GABRG1: variants seen among roughly 807,000 people sequenced by gnomAD.
GABRG1 encodes the protein gamma-aminobutyric acid receptor subunit gamma-1.
A neutral mutation model predicts 49.8 loss-of-function variants in GABRG1; 49 were observed. The observed-to-expected ratio is 0.98, with a 90% confidence interval of 0.78 to 1.25. The LOEUF is 1.25. Among genes scored for constraint, GABRG1 ranks in the 50% most tolerant of loss-of-function variants. GABRG1 has a pLI of 0.00. For missense variants in GABRG1, 552 were observed against 552.3 expected, an observed-to-expected ratio of 1.00 and a Z score of 0.01; for synonymous variants, 232 against 185.1, an observed-to-expected ratio of 1.25 and a Z score of -2.06.
At chr4:46,083,283 C>G (rs1344293632) in intron 3 of GABRG1, among the ~76,000 whole-genome samples, 1 of 151,688 alleles carries the variant, frequency 6.6e-6, no homozygotes, top group African/African-American at 2.4e-5. Context: ...ATTGTCCAGA[C>G]TAACACAATA....
At chr4:46,045,407 T>A (rs1268284690) in intron 8 of GABRG1, among the ~76,000 whole-genome samples, 1 of 151,656 alleles carries the variant, frequency 6.6e-6, no homozygotes, top group Non-Finnish European at 1.5e-5. Flanking sequence ...ACCTAAGAAG[T>A]CAAAAATCTA....
intron 3 of GABRG1, among the ~76,000 whole-genome samples, chr4:46,080,764 C>G (rs1719534653): frequency 1.3e-5 from 2 of 151,576 alleles, no homozygotes; most frequent in South Asian, 4.1e-4. Context: ...AACATAAACC[C>G]CAAACGAAAA....
intron 1 of GABRG1, among the ~76,000 whole-genome samples, chr4:46,108,007 A>G (rs1200828484): frequency 6.6e-6 from 1 of 151,242 alleles, no homozygotes; most frequent in African/African-American, 2.4e-5. Context: ...AGGTAAATCA[A>G]TAGGTTTCCT....
At chr4:46,104,733 C>T (rs903299595) in intron 1 of GABRG1, among the ~76,000 whole-genome samples, 1 of 151,360 alleles carries the variant, frequency 6.6e-6, no homozygotes, top group Non-Finnish European at 1.5e-5. Flanking sequence ...CTTCATTTGA[C>T]AAATGTCTAT....
At chr4:46,083,083 C>T (rs1000677149) in intron 3 of GABRG1, among the ~76,000 whole-genome samples, 1 of 151,694 alleles carries the variant, frequency 6.6e-6, no homozygotes, top group Non-Finnish European at 1.5e-5. Context: ...GGTACATAGG[C>T]CTGCACTGTA....
intron 7 of GABRG1, among the ~76,000 whole-genome samples, chr4:46,057,791 T>C (rs1718508064): frequency 6.6e-6 from 1 of 152,078 alleles, no homozygotes; most frequent in South Asian, 2.1e-4. Context: ...AGCAATGTTA[T>C]AAAAGCAGGT....
At chr4:46,108,414 AG>A (rs1475295934) in intron 1 of GABRG1, among the ~76,000 whole-genome samples, 1 of 150,920 alleles carries the variant, frequency 6.6e-6, no homozygotes, top group African/African-American at 2.4e-5. Context: ...TGCTTAATAG[AG>A]TCCACTCATT....
chr4:46,102,220 G>T (rs758283516), intron 1 of GABRG1, among the ~76,000 whole-genome samples: 3 of 151,610 alleles, frequency 2.0e-5, no homozygotes, highest in Non-Finnish European at 4.4e-5. Flanking sequence ...TGGTTCTCCT[G>T]CTGTGAGAAC....
In GABRG1 at chr4:46,040,935, G is replaced by T. The variant is rs1282900993; in HGVS notation, c.*53C>A. The stretch of plus-strand genomic sequence containing the variant: ...AACTTCAAGTTACTGAAGCACAAAA[G>T]ATTCTACTGAATTTAGTCAGACTTC... On this transcript the variant is annotated 3_prime_UTR_variant, in exon 9 of 9. Coordinates refer to ENST00000295452, the MANE Select transcript of GABRG1 (RefSeq NM_173536.4). 27 of 1,526,754 alleles carry T rather than the reference G, an allele frequency of 1.8e-5. No individual in the cohort carries two copies. The highest frequency in any genetic ancestry group is 1.6e-4 in the Admixed American group (8 of 50,568). The allele number at this position is 1,526,754 out of a possible 1,614,324, so 94.6% of individuals were successfully genotyped here. A position where few individuals can be genotyped will look rare whatever the true frequency, so the allele number is the denominator to read the frequency against.
chr4:46,058,747 G>C (rs1320808058), intron 5 of GABRG1, 125 bp from the exon 6 acceptor site: 3 of 662,196 alleles, frequency 4.5e-6, no homozygotes, highest in Non-Finnish European at 7.6e-6. Context: ...GCCAAACATA[G>C]AATATTTGAA....
chr4:46,110,187 A>G (rs1465882786), intron 1 of GABRG1, among the ~76,000 whole-genome samples: 1 of 151,006 alleles, frequency 6.6e-6, no homozygotes, highest in African/African-American at 2.4e-5. Flanking sequence ...CTTTAAATGT[A>G]GGTGCTCCAA....
rs144380404 is a variant in GABRG1 at position 46,041,215 on chromosome 4, T to C, written c.1171A>G (p.Met391Val). Residue 391 changes from methionine (M) to valine (V), a missense_variant, in exon 9 of 9, where the codon ATG (methionine) becomes GTG (valine). Physicochemically the swap from Met to Val is conservative, Grantham distance 21. Transcript: ENST00000295452. ...TCTTGCGGCACAGAAATATTATTCA[T>C]TGGAATCAGAGTGGATCCAGGATGG... ...GLHPGSTLIP[M>V]NNISVPQEDD... 150 of 1,612,760 alleles carry C rather than the reference T, an allele frequency of 9.3e-5. 1 individual carries two copies. Among genetic ancestry groups the C allele is most frequent in the South Asian group, 1.4e-4 (13 of 91,062 alleles).
intron 8 of GABRG1, among the ~76,000 whole-genome samples, chr4:46,043,237 T>A (rs1025916763): frequency 2.6e-5 from 4 of 151,946 alleles, no homozygotes; most frequent in African/African-American, 9.7e-5. Flanking sequence ...ATGATTAAAT[T>A]TTTTAGTGCA....
At chr4:46,088,311 T>C (rs1262664732) in intron 2 of GABRG1, among the ~76,000 whole-genome samples, 1 of 152,098 alleles carries the variant, frequency 6.6e-6, no homozygotes, top group Admixed American at 6.6e-5. Context: ...ATATCCTGTC[T>C]AGCATTCATA....
intron 1 of GABRG1, among the ~76,000 whole-genome samples, chr4:46,119,091 A>G (rs1721019109): frequency 6.8e-6 from 1 of 147,930 alleles, no homozygotes; most frequent in Non-Finnish European, 1.5e-5. Context: ...CTTTTAAGTT[A>G]CAGTTGTGTG....
intron 3 of GABRG1, among the ~76,000 whole-genome samples, chr4:46,078,818 T>C (rs187782070): frequency 1.0e-3 from 159 of 152,116 alleles, no homozygotes; most frequent in African/African-American, 3.6e-3. Context: ...ATAAAACAAA[T>C]TAAAAAATTT....
At chr4:46,046,606 G>A (rs1718008408) in intron 8 of GABRG1, among the ~76,000 whole-genome samples, 2 of 152,022 alleles carry the variant, frequency 1.3e-5, no homozygotes, top group African/African-American at 4.8e-5. Flanking sequence ...TTATTCAATA[G>A]GCATGCACTG....
At chr4:46,094,706 G>C (rs926514393) in intron 2 of GABRG1, among the ~76,000 whole-genome samples, 13 of 151,890 alleles carry the variant, frequency 8.6e-5, no homozygotes, top group Non-Finnish European at 1.6e-4. Flanking sequence ...TGAATTGGAA[G>C]TAACAGAATT....
At chr4:46,062,561 C>T (rs554379473) in intron 5 of GABRG1, among the ~76,000 whole-genome samples, 14 of 152,222 alleles carry the variant, frequency 9.2e-5, no homozygotes, top group East Asian at 1.9e-4. Context: ...TTTTAATGAT[C>T]GCCATTTTAA....
Sources: allele counts gnomAD v4.1 joint callset (sites outside exome capture counted in the v4.1 genomes callset), GRCh38; gene constraint gnomAD v4.1.1; transcripts MANE v1.5; gene names NCBI Gene and HGNC (gene_info 2026-07-23, HGNC 2026-07-21).